KCNH5: variants seen among roughly 807,000 people sequenced by gnomAD.
The protein encoded by KCNH5 is voltage-gated delayed rectifier potassium channel KCNH5.
Under a neutral mutation model 96.1 loss-of-function variants are expected in KCNH5, and 46 were observed. The observed-to-expected ratio is 0.48, with a 90% CI of 0.38 to 0.61. The LOEUF is 0.61. KCNH5 is among the 20% of genes least tolerant of loss of function. The probability of loss-of-function intolerance (pLI) is 0.00; values close to 1 mark genes in which losing one functional copy is unlikely to be tolerated. For missense variants in KCNH5, 907 were observed against 1,225.8 expected (o/e 0.74, Z 3.88); for synonymous variants, 439 against 449.8 (o/e 0.98, Z 0.30).
At chr14:62,938,052 C>T (rs112710607) in intron 7 of KCNH5, among the ~76,000 whole-genome samples, 242 of 152,278 alleles carry the variant, frequency 1.6e-3, no homozygotes, top group African/African-American at 5.7e-3. Context: ...GACCTGCCTC[C>T]TTTGCTGATG....
rs147749181 is a variant in KCNH5 at position 62,904,129 on chromosome 14, G to A, written c.1369+46004C>T. 2.8e-3 allele frequency among the ~76,000 whole-genome samples: 423 copies of A among 152,138 alleles called. 1 individual carries two copies. The highest frequency in any genetic ancestry group is 5.7e-3 in the Admixed American group (87 of 15,294). On this transcript the variant is annotated intron_variant, in intron 7 of 10. Coordinates refer to ENST00000322893, the MANE Select transcript of KCNH5 (RefSeq NM_139318.5). ...TGCAAGCCACTCAAAAACTCACATC[G>A]TCTTCATTAAGAATGCAAATAAGTC...
intron 3 of KCNH5, among the ~76,000 whole-genome samples, chr14:63,005,780 C>T (rs10141458): frequency 0.11 from 16,802 of 152,124 alleles, 1,138 homozygotes; most frequent in East Asian, 0.36. Context: ...ATAATGCATA[C>T]CTTACCACAT....
intron 10 of KCNH5, among the ~76,000 whole-genome samples, chr14:62,761,516 A>C (rs748821457): frequency 1.3e-5 from 2 of 152,174 alleles, no homozygotes; most frequent in Non-Finnish European, 2.9e-5. Flanking sequence ...TCAATTCAAA[A>C]AGTGAAGGGA....
chr14:62,910,761 TCA>T (rs1328131976), intron 7 of KCNH5, among the ~76,000 whole-genome samples: 1 of 152,132 alleles, frequency 6.6e-6, no homozygotes, highest in Non-Finnish European at 1.5e-5. Flanking sequence ...GCTTCCCAGC[TCA>T]CAGTTTTGCA....
At chr14:62,750,968 C>T (rs915310323) in intron 10 of KCNH5, among the ~76,000 whole-genome samples, 2 of 151,836 alleles carry the variant, frequency 1.3e-5, no homozygotes, top group Non-Finnish European at 2.9e-5. Flanking sequence ...TCCTTTAAAT[C>T]CAGACGGCTG....
chr14:62,878,206 G>GGT (rs1888419870), intron 7 of KCNH5, among the ~76,000 whole-genome samples: 1 of 138,204 alleles, frequency 7.2e-6, no homozygotes, highest in African/African-American at 2.9e-5. Flanking sequence ...GGGGATGGGG[G>GGT]GGGGGGCGGA....
chr14:62,867,705 C>T (rs543294993), intron 7 of KCNH5, among the ~76,000 whole-genome samples: 13 of 152,226 alleles, frequency 8.5e-5, no homozygotes, highest in African/African-American at 2.6e-4. Context: ...CCAAAGGCTG[C>T]ACAATCTTCA....
intron 7 of KCNH5, among the ~76,000 whole-genome samples, chr14:62,902,454 G>A (rs2140094100): frequency 6.6e-6 from 1 of 152,026 alleles, no homozygotes; most frequent in South Asian, 2.1e-4. Flanking sequence ...AGACATTATG[G>A]GAAGTGATTA....
intron 6 of KCNH5, among the ~76,000 whole-genome samples, chr14:62,967,692 C>T (rs182652067): frequency 6.6e-6 from 1 of 152,182 alleles, no homozygotes; most frequent in East Asian, 1.9e-4. Context: ...TCCCCAAAAG[C>T]AGAGTAACAA....
At chr14:62,779,610 T>A (rs1298591882) in intron 10 of KCNH5, 118 bp downstream of exon 10, 1 of 766,806 alleles carries the variant, frequency 1.3e-6, no homozygotes, top group Non-Finnish European at 2.0e-6. Flanking sequence ...TATGCCACTT[T>A]ACATTGATGG....
chr14:62,946,879 A>G (rs1436574561), intron 7 of KCNH5, among the ~76,000 whole-genome samples: 2 of 152,168 alleles, frequency 1.3e-5, no homozygotes, highest in Admixed American at 1.3e-4. Flanking sequence ...ACAAAATTAT[A>G]AAGATGGAGA....
rs1884495750 is a variant in KCNH5, at chr14:62,708,580, C to A, written c.2020-125G>T. On this transcript the variant is annotated intron_variant, in intron 10 of 10. Transcript: ENST00000322893. ...CCTTGAATATTTGATAAGATTATTT[C>A]TCAAGAAAAAAAAATTTAAATACCA... The A allele has an allele frequency of 1.4e-5, 8 of 584,828 alleles. No individual in the cohort carries two copies. In the East Asian group the frequency reaches 2.1e-4, roughly 15 times the overall value. 36.2% of individuals were successfully genotyped at this position (584,828 alleles called of 1,614,324 possible). A position where few individuals can be genotyped will look rare whatever the true frequency, so the allele number is the denominator to read the frequency against.
At chr14:62,920,143 C>T (rs985113190) in intron 7 of KCNH5, among the ~76,000 whole-genome samples, 4 of 152,112 alleles carry the variant, frequency 2.6e-5, no homozygotes, top group African/African-American at 9.6e-5. Context: ...TCAACCAGCA[C>T]TTTAGGATAC....
intron 7 of KCNH5, among the ~76,000 whole-genome samples, chr14:62,914,574 C>A (rs868826220): frequency 6.6e-6 from 1 of 152,182 alleles, no homozygotes; most frequent in Non-Finnish European, 1.5e-5. Flanking sequence ...ATTGATCTCT[C>A]TCTTCTCACA....
intron 7 of KCNH5, among the ~76,000 whole-genome samples, chr14:62,919,197 A>C (rs915010012): frequency 6.6e-6 from 1 of 152,158 alleles, no homozygotes; most frequent in Admixed American, 6.5e-5. Flanking sequence ...AAATGCCACT[A>C]GGTAATGAAG....
chr14:63,009,061 A>G (rs1019012428), intron 2 of KCNH5, among the ~76,000 whole-genome samples: 5 of 152,180 alleles, frequency 3.3e-5, no homozygotes, highest in Admixed American at 6.5e-5. Context: ...ACCATTTCAC[A>G]CTGCTACTAA....
chr14:63,022,144 T>C (rs1891439921), intron 1 of KCNH5, among the ~76,000 whole-genome samples: 1 of 152,214 alleles, frequency 6.6e-6, no homozygotes, highest in Non-Finnish European at 1.5e-5. Flanking sequence ...TTAGGTACTT[T>C]CCCACTGTTT....
chr14:62,830,751 C>G (rs1162693394), intron 8 of KCNH5, among the ~76,000 whole-genome samples: 1 of 152,026 alleles, frequency 6.6e-6, no homozygotes, highest in Non-Finnish European at 1.5e-5. Flanking sequence ...TGGTGATCCT[C>G]TGTGTGGCAG....
intron 7 of KCNH5, among the ~76,000 whole-genome samples, chr14:62,878,978 G>A (rs984026650): frequency 3.9e-5 from 6 of 151,938 alleles, no homozygotes; most frequent in African/African-American, 1.2e-4. Context: ...CTCCAAACAC[G>A]GTTGCATTTT....
Sources: gnomAD v4.1 joint callset for allele counts (sites outside exome capture counted in the v4.1 genomes callset) on GRCh38, gnomAD v4.1.1 for gene constraint, MANE v1.5 for transcripts, NCBI Gene and HGNC (gene_info 2026-07-23, HGNC 2026-07-21) for gene names.